Variants in SMIM24 observed in about 807,000 individuals in gnomAD.
The protein encoded by SMIM24 is MAP17-related dimer.
A neutral mutation model predicts 10.8 loss-of-function variants in SMIM24; 6 were observed. The observed-to-expected ratio is 0.55, with a 90% CI of 0.30 to 1.09. The LOEUF (loss-of-function observed/expected upper bound fraction) is 1.09, where lower values mean the gene tolerates loss of function less well. Ranked by LOEUF, SMIM24 falls within the 50% of genes least tolerant of loss-of-function variation. SMIM24 has a pLI of 0.06. For synonymous variants in SMIM24, 71 were observed against 62.4 expected, an observed-to-expected ratio of 1.14 and a Z score of -0.65; for missense variants, 151 against 153.4, an observed-to-expected ratio of 0.98 and a Z score of 0.08.
At chr19:3,477,063 C>CGG (rs145651664) in intron 3 of SMIM24, among the ~76,000 whole-genome samples, 1 of 84,360 alleles carries the variant, frequency 1.2e-5, no homozygotes, top group African/African-American at 5.3e-5. Flanking sequence ...ATGGATAGGT[C>CGG]GGGGGGTGGG....
At chr19:3,478,383 G>T in intron 3 of SMIM24, 36 bp downstream of exon 3, 1 of 1,537,350 alleles carries the variant, frequency 6.5e-7, no homozygotes, top group Non-Finnish European at 8.8e-7. Flanking sequence ...CCGAGGAGGG[G>T]TTCACACAGA....
intron 1 of SMIM24, among the ~76,000 whole-genome samples, chr19:3,479,826 G>A (rs966089784): frequency 6.8e-6 from 1 of 146,810 alleles, no homozygotes; most frequent in Non-Finnish European, 1.5e-5. Context: ...AGGGACTCGG[G>A]GAGGGGTTTA....
chr19:3,477,763 G>C (rs1410322137), intron 3 of SMIM24, among the ~76,000 whole-genome samples: 2 of 147,740 alleles, frequency 1.4e-5, no homozygotes, highest in Non-Finnish European at 3.0e-5. Context: ...GTGGATGGGT[G>C]AGTGGGTGAA....
At chr19:3,479,059 G>C (rs2082805608) in intron 1 of SMIM24, 130 bp from the exon 2 acceptor site, 3 of 706,724 alleles carry the variant, frequency 4.2e-6, no homozygotes, top group Admixed American at 2.6e-5. Flanking sequence ...GGAAAGGGAC[G>C]GAGCTTCAGA....
At chr19:3,478,632 C>A in intron 2 of SMIM24, 154 bp from the exon 3 acceptor site, 2 of 907,708 alleles carry the variant, frequency 2.2e-6, no homozygotes. Flanking sequence ...CTGCCTGGCT[C>A]GTTGTCTTGG....
rs1009923696 is a variant in SMIM24, at chr19:3,478,898, C to G, written c.99G>C (p.Val33=). Residue 33 remains valine, a synonymous_variant, in exon 2 of 4, where the codon GTG becomes GTC. Coordinates refer to ENST00000215531, the MANE Select transcript of SMIM24 (RefSeq NM_001136503.2). ...GGAAGCCGACTACCGCAGCCAGGCC[C>G]ACCAGCCACGGCTTCAGGCGATGCT... ...ATEHRLKPWL[V]GLAAVVGFLF... 3.9e-6 allele frequency: 6 copies of G among 1,549,804 alleles called. No homozygotes were observed. The African/African-American group carries it at 8.2e-5, about 21-fold the overall frequency.
Position 3,474,783 on chromosome 19 carries a change from CT to C in SMIM24, c.*59del. On this transcript the variant is annotated 3_prime_UTR_variant, in exon 4 of 4. Coordinates refer to ENST00000215531, the MANE Select transcript of SMIM24 (RefSeq NM_001136503.2). The stretch of plus-strand genomic sequence containing the variant: ...CACGGGCTTCAAGTCCAGGGCACTG[CT>C]TTTAGGGGGCAGAAGAGGCATCTCT... 6.6e-7 allele frequency: 1 copy of C among 1,525,904 alleles called. No individual in the cohort carries two copies. The allele number at this position is 1,525,904 out of a possible 1,614,324, so 94.5% of individuals were successfully genotyped here.
At chr19:3,475,052 A>G in intron 3 of SMIM24, 56 bp from the exon 4 acceptor site, 1 of 1,526,240 alleles carries the variant, frequency 6.6e-7, no homozygotes, top group African/African-American at 1.4e-5. Flanking sequence ...CTCCTATTTA[A>G]TGGCCACTCA....
chr19:3,478,457 G>A lies in SMIM24; in HGVS notation c.201C>T (p.Thr67=), dbSNP rs1237602621. ...ATAGGTTGGACTCCATTCTGAACGT[G>A]GTCTCCTCCTCGTCCTCAGCCCTGC... is the stretch of plus-strand genomic sequence containing the variant. The part of the protein sequence containing the change: ...SKARAEDEEE[T]TFRMESNLYQ... The change falls in exon 3 of 4, where the codon ACC becomes ACT. Residue 67 remains threonine, a synonymous_variant. Transcript: ENST00000215531. The A allele has an allele frequency of 6.5e-7, 1 of 1,549,322 alleles. No homozygotes were observed. Among genetic ancestry groups the A allele is most frequent in the African/African-American group, 1.4e-5 (1 of 73,054 alleles).
In SMIM24 at chr19:3,474,215, T is replaced by TCAGGGCTCAAAGTC. The variant is rs6146446; in HGVS notation, c.*614_*627dup. 36,400 of 151,696 alleles carry TCAGGGCTCAAAGTC rather than the reference T, an allele frequency of 0.24. 4,758 individuals carry two copies. Among genetic ancestry groups the TCAGGGCTCAAAGTC allele is most frequent in the East Asian group, 0.53 (2,691 of 5,096 alleles). The allele number at this position is 151,696 out of a possible 1,614,324, so 9.4% of individuals were successfully genotyped here. On this transcript the variant is annotated 3_prime_UTR_variant, in exon 4 of 4. Coordinates refer to ENST00000215531, the MANE Select transcript of SMIM24 (RefSeq NM_001136503.2). ...GCAAAGATTTGCTTGGAGACGGCGCTCAGGGCTCAAAGTCCAGGGCTCAGG... is the reference window on the plus strand; with the variant it reads ...GCAAAGATTTGCTTGGAGACGGCGCTCAGGGCTCAAAGTCCAGGGCTCAAAGTCCAGGGCTCAGG...
chr19:3,480,390 C>T lies in SMIM24; in HGVS notation c.67+7G>A. On this transcript the variant is annotated splice_region_variant and intron_variant, in intron 1 of 3. Transcript: ENST00000215531. Reference sequence around the variant, plus strand: ...CGCGACGCCCCCTCCCGCCCCCCTGCACCTACCCTGCTGGGCCTCCACCGG... The same window carrying T: ...CGCGACGCCCCCTCCCGCCCCCCTGTACCTACCCTGCTGGGCCTCCACCGG... 6.5e-7 allele frequency: 1 copy of T among 1,546,326 alleles called. No individual in the cohort carries two copies. Among genetic ancestry groups the T allele is most frequent in the South Asian group, 1.2e-5 (1 of 83,754 alleles).
At chr19:3,479,537 T>G (rs1340580548) in intron 1 of SMIM24, among the ~76,000 whole-genome samples, 168 of 57,404 alleles carry the variant, frequency 2.9e-3, no homozygotes, top group Admixed American at 3.9e-3. Flanking sequence ...GGTCTCAGAG[T>G]GGGAGGGGCT....
intron 3 of SMIM24, among the ~76,000 whole-genome samples, chr19:3,477,801 T>C (rs1005358123): frequency 7.7e-5 from 10 of 129,498 alleles, no homozygotes; most frequent in African/African-American, 2.7e-4. Context: ...GAGTGGATGA[T>C]GGATGGATGG....
chr19:3,478,657 G>T (rs1202457886), intron 2 of SMIM24, among the ~76,000 whole-genome samples, 161 bp downstream of exon 2: 2 of 151,996 alleles, frequency 1.3e-5, no homozygotes, highest in Admixed American at 6.6e-5. Flanking sequence ...ACGGGCGGGT[G>T]CAAGCCCGGG....
At chr19:3,478,559 T>G in intron 2 of SMIM24, 81 bp from the exon 3 acceptor site, 1 of 1,300,488 alleles carries the variant, frequency 7.7e-7, no homozygotes, top group Non-Finnish European at 1.1e-6. Flanking sequence ...TGTGACAGCC[T>G]CAGCCTCTGT....
intron 2 of SMIM24, 72 bp downstream of exon 2, chr19:3,478,746 T>G: frequency 6.8e-6 from 7 of 1,032,804 alleles, no homozygotes; most frequent in Non-Finnish European, 9.2e-6. Context: ...GTGATGGGGG[T>G]ACCAGAGAGG....
chr19:3,474,291 T>G lies in SMIM24; in HGVS notation c.*552A>C, dbSNP rs2082784188. ...GAGTGTTTAATCTGCTCAGGGCGTC[T>G]GGGCACCTGTGCACCCTGAGCCTCC... On this transcript the variant is annotated 3_prime_UTR_variant, in exon 4 of 4. Transcript: ENST00000215531. The G allele has an allele frequency of 1.3e-5, 2 of 154,116 alleles. No individual in the cohort carries two copies. Among genetic ancestry groups the G allele is most frequent in the African/African-American group, 4.8e-5 (2 of 41,440 alleles). 9.5% of individuals were successfully genotyped at this position (154,116 alleles called of 1,614,324 possible).
chr19:3,478,596 A>G, intron 2 of SMIM24, 118 bp from the exon 3 acceptor site: 1 of 1,041,468 alleles, frequency 9.6e-7, no homozygotes, highest in Non-Finnish European at 1.4e-6. Flanking sequence ...GGGCTCATGA[A>G]CCCCAGGACG....
chr19:3,479,897 G>A (rs1262668618), intron 1 of SMIM24, among the ~76,000 whole-genome samples: 1 of 143,748 alleles, frequency 7.0e-6, no homozygotes, highest in Admixed American at 7.0e-5. Flanking sequence ...GATGGGGAGA[G>A]GCTTGTGAAC....
Sources: allele counts gnomAD v4.1 joint callset (sites outside exome capture counted in the v4.1 genomes callset), GRCh38; gene constraint gnomAD v4.1.1; transcripts MANE v1.5; gene names NCBI Gene and HGNC (gene_info 2026-07-23, HGNC 2026-07-21).